Variants in MPC2 observed in about 807,000 individuals in gnomAD.
MPC2 encodes the protein brain protein 44.
Under a neutral mutation model 19.2 loss-of-function variants are expected in MPC2, and 19 were observed. That is an observed-to-expected ratio of 0.99 (90% CI 0.69 to 1.45). MPC2 has a LOEUF of 1.45. Among genes scored for constraint, MPC2 ranks in the 40% most tolerant of loss-of-function variants. The pLI is 0.00. For synonymous variants in MPC2, 61 were observed against 54.3 expected (o/e 1.12, Z -0.54); for missense variants, 122 against 153.0 (o/e 0.80, Z 1.07).
At chr1:167,927,143 C>A (rs1419021785) in intron 2 of MPC2, among the ~76,000 whole-genome samples, 1 of 152,204 alleles carries the variant, frequency 6.6e-6, no homozygotes, top group Non-Finnish European at 1.5e-5. Flanking sequence ...TTCTGTCTGA[C>A]CCAGATTTGC....
Position 167,918,231 on chromosome 1 carries a change from A to T in MPC2, c.*92T>A. On this transcript the variant is annotated 3_prime_UTR_variant, in exon 6 of 6. Coordinates refer to ENST00000271373, the MANE Select transcript of MPC2 (RefSeq NM_001143674.4). ...ACCAGTTACAGTGCCTTCTAAACAC[A>T]CAGTTAGCTTTGCTTTATCAATAAC... 9.7e-7 allele frequency: 1 copy of T among 1,035,346 alleles called. No homozygotes were observed. The allele number at this position is 1,035,346 out of a possible 1,614,324, so 64.1% of individuals were successfully genotyped here. A position where few individuals can be genotyped will look rare whatever the true frequency, so the allele number is the denominator to read the frequency against.
intron 3 of MPC2, among the ~76,000 whole-genome samples, chr1:167,922,622 C>G (rs537408859): frequency 6.6e-6 from 1 of 151,844 alleles, no homozygotes; most frequent in Non-Finnish European, 1.5e-5. Context: ...CTCCCTAGAT[C>G]TCTGTAAAAT....
At chr1:167,926,876 G>A (rs1670773100) in intron 2 of MPC2, among the ~76,000 whole-genome samples, 1 of 152,136 alleles carries the variant, frequency 6.6e-6, no homozygotes, top group African/African-American at 2.4e-5. Context: ...ATCTCAGGTT[G>A]CATCTCCTCA....
At chr1:167,927,565 T>A (rs979394770) in intron 2 of MPC2, among the ~76,000 whole-genome samples, 3 of 152,224 alleles carry the variant, frequency 2.0e-5, no homozygotes, top group Non-Finnish European at 4.4e-5. Context: ...AGACTTCTCT[T>A]GTTCTATTTG....
At chr1:167,927,117 C>CTTTG (rs1670782597) in intron 2 of MPC2, among the ~76,000 whole-genome samples, 1 of 152,216 alleles carries the variant, frequency 6.6e-6, no homozygotes, top group Admixed American at 6.5e-5. Context: ...AGATGCTAAT[C>CTTTG]AAAGATATTC....
chr1:167,931,078 T>C (rs113417973), intron 2 of MPC2, among the ~76,000 whole-genome samples: 19,676 of 152,174 alleles, frequency 0.13, 1,624 homozygotes, highest in African/African-American at 0.23. Flanking sequence ...ATTACAGGTG[T>C]GCACCACCAT....
At chr1:167,926,723 G>A (rs1218382251) in intron 2 of MPC2, among the ~76,000 whole-genome samples, 2 of 152,120 alleles carry the variant, frequency 1.3e-5, no homozygotes, top group Non-Finnish European at 2.9e-5. Context: ...GAAAGTAGAG[G>A]GTTAAGAAAT....
At chr1:167,919,516 A>G (rs1257760464) in intron 5 of MPC2, among the ~76,000 whole-genome samples, 4 of 152,244 alleles carry the variant, frequency 2.6e-5, no homozygotes, top group South Asian at 2.1e-4. Context: ...ACACTTTCCA[A>G]TGAAAGCAAA....
intron 2 of MPC2, among the ~76,000 whole-genome samples, chr1:167,926,777 T>C (rs1323501796): frequency 1.3e-5 from 2 of 152,166 alleles, no homozygotes; most frequent in African/African-American, 2.4e-5. Flanking sequence ...ATTCAACTAG[T>C]TTCATGCTAT....
intron 1 of MPC2, 113 bp from the exon 2 acceptor site, chr1:167,936,011 G>A (rs1245331715): frequency 4.8e-6 from 3 of 618,658 alleles, no homozygotes; most frequent in Non-Finnish European, 8.6e-6. Flanking sequence ...GAAAAGCTGC[G>A]GCCCGCGCCC....
rs1279908482 is a variant in MPC2, at chr1:167,924,527, T to TG, written c.119dup (p.Val41SerfsTer19). 4.5e-6 allele frequency: 7 copies of TG among 1,566,660 alleles called. 1 individual carries two copies. The highest frequency in any genetic ancestry group is 4.6e-5 in the East Asian group (2 of 43,954). On this transcript the variant is annotated frameshift_variant, in exon 3 of 6. Transcript: ENST00000271373. LOFTEE classifies it high-confidence loss of function. Reference sequence around the variant, plus strand: ...TCATAATTGGAGCCCAGAAGAAAACTGTTCTGGGACCTGAAAAAAAAAAGA... The same window carrying TG: ...TCATAATTGGAGCCCAGAAGAAAACTGGTTCTGGGACCTGAAAAAAAAAAGA...
intron 3 of MPC2, 128 bp downstream of exon 3, chr1:167,924,369 C>T (rs1670678386): frequency 6.0e-6 from 4 of 671,696 alleles, no homozygotes; most frequent in Non-Finnish European, 9.6e-6. Flanking sequence ...AGAATATTTG[C>T]CATGAAATCA....
intron 2 of MPC2, among the ~76,000 whole-genome samples, chr1:167,933,128 T>C (rs1191497741): frequency 2.6e-5 from 4 of 151,150 alleles, no homozygotes; most frequent in Non-Finnish European, 5.9e-5. Context: ...AGAGATGCAA[T>C]ACTGTAACTA....
chr1:167,928,545 G>A (rs1290612223), intron 2 of MPC2, among the ~76,000 whole-genome samples: 2 of 151,984 alleles, frequency 1.3e-5, no homozygotes, highest in African/African-American at 2.4e-5. Flanking sequence ...ATATGGTAGC[G>A]AAAAAACATT....
intron 2 of MPC2, among the ~76,000 whole-genome samples, chr1:167,930,021 T>C (rs1184307475): frequency 6.6e-6 from 1 of 152,214 alleles, no homozygotes; most frequent in Non-Finnish European, 1.5e-5. Flanking sequence ...TAAAGGTTAA[T>C]CTTTGACATG....
intron 2 of MPC2, among the ~76,000 whole-genome samples, chr1:167,932,834 A>T (rs1670948947): frequency 6.6e-6 from 1 of 151,422 alleles, no homozygotes; most frequent in Admixed American, 6.6e-5. Flanking sequence ...AAAAGAAAAG[A>T]AAAGAAAAGA....
chr1:167,924,354 G>T, intron 3 of MPC2, 143 bp downstream of exon 3: 2 of 621,716 alleles, frequency 3.2e-6, no homozygotes, highest in African/African-American at 1.9e-5. Context: ...AAAACGATAT[G>T]TCTGAGAATA....
intron 2 of MPC2, among the ~76,000 whole-genome samples, chr1:167,925,706 C>T (rs1336785695): frequency 6.6e-6 from 1 of 151,286 alleles, no homozygotes; most frequent in Non-Finnish European, 1.5e-5. Context: ...GCCACCACAC[C>T]CGGCTAATTT....
Position 167,916,867 on chromosome 1 carries a change from G to C in MPC2, c.*1456C>G, listed in dbSNP as rs1327602814. 1 of 152,226 alleles carries C rather than the reference G, an allele frequency of 6.6e-6. No homozygotes were observed. The highest frequency in any genetic ancestry group is 1.5e-5 in the Non-Finnish European group (1 of 68,040). 9.4% of individuals were successfully genotyped at this position (152,226 alleles called of 1,614,324 possible). The stretch of plus-strand genomic sequence containing the variant: ...AATTTAACAGTGTGGTTTATGAAAT[G>C]AAAGCAATAATAGTTTGACTCTTCA... On this transcript the variant is annotated 3_prime_UTR_variant, in exon 6 of 6. Transcript: ENST00000271373.
Sources: gnomAD v4.1 joint callset for allele counts (sites outside exome capture counted in the v4.1 genomes callset) on GRCh38, gnomAD v4.1.1 for gene constraint, MANE v1.5 for transcripts, NCBI Gene and HGNC (gene_info 2026-07-23, HGNC 2026-07-21) for gene names.